RP1: variants seen among roughly 807,000 people sequenced by gnomAD.
The protein encoded by RP1 is RP1 axonemal microtubule associated, also known as oxygen-regulated protein 1.
RP1 carries 16 observed loss-of-function variants against 14.8 expected under a neutral mutation model. That is an observed-to-expected ratio of 1.08 (90% CI 0.73 to 1.65). RP1 has a LOEUF of 1.65. Ranked by LOEUF, RP1 falls within the 40% of genes most tolerant of loss-of-function variation. RP1 has a pLI of 0.00. For missense variants in RP1, 2,631 were observed against 2,535.0 expected, an observed-to-expected ratio of 1.04 and a Z score of -0.81; for synonymous variants, 876 against 883.6, an observed-to-expected ratio of 0.99 and a Z score of 0.15.
intron 19 of RP1, among the ~76,000 whole-genome samples, chr8:54,740,463 C>T (rs1310885805): frequency 6.7e-6 from 1 of 149,282 alleles, no homozygotes; most frequent in Non-Finnish European, 1.5e-5. Context: ...GTGGCTCACA[C>T]CTATAATCCT....
chr8:54,690,764 C>G (rs986708794), intron 12 of RP1, among the ~76,000 whole-genome samples: 1 of 152,080 alleles, frequency 6.6e-6, no homozygotes, highest in Non-Finnish European at 1.5e-5. Flanking sequence ...CTGAATTTCT[C>G]AATTCAGAAT....
intron 3 of RP1, among the ~76,000 whole-genome samples, chr8:54,636,246 T>A (rs2129320800): frequency 6.6e-6 from 1 of 152,340 alleles, no homozygotes; most frequent in East Asian, 1.9e-4. Flanking sequence ...AAAAACAGTT[T>A]GTTGTGAGAG....
rs951578823 is a variant in RP1, at chr8:54,844,081, G to C, written c.3835+6412G>C. Among the ~76,000 whole-genome samples, 4 of 152,216 alleles carry C rather than the reference G, an allele frequency of 2.6e-5. No homozygotes were observed. In the South Asian group the frequency reaches 8.3e-4, roughly 32 times the overall value. On this transcript the variant is annotated intron_variant, in intron 25 of 28. Transcript: ENST00000637698. Reference sequence around the variant, plus strand: ...TCTCCTTGAACTTTATGGTTATTTGGTTATGTCCACCAAGGTAGGTAGAAC... The same window carrying C: ...TCTCCTTGAACTTTATGGTTATTTGCTTATGTCCACCAAGGTAGGTAGAAC...
chr8:54,683,670 G>A (rs1807486198), intron 12 of RP1, among the ~76,000 whole-genome samples: 1 of 151,990 alleles, frequency 6.6e-6, no homozygotes, highest in South Asian at 2.1e-4. Flanking sequence ...TGGGGCTAAA[G>A]TTGCTTACTA....
chr8:54,786,528 G>T (rs140005177), intron 24 of RP1, among the ~76,000 whole-genome samples: 248 of 152,048 alleles, frequency 1.6e-3, no homozygotes, highest in African/African-American at 5.6e-3. Flanking sequence ...GGGGAGGGTG[G>T]TAGAGAGCAG....
intron 26 of RP1, among the ~76,000 whole-genome samples, chr8:54,852,927 T>C (rs1164201716): frequency 1.3e-5 from 2 of 152,194 alleles, no homozygotes; most frequent in Non-Finnish European, 2.9e-5. Context: ...ACAAACACAA[T>C]ATTCTACTTC....
intron 19 of RP1, among the ~76,000 whole-genome samples, chr8:54,749,414 G>A (rs1451801015): frequency 6.6e-6 from 1 of 152,116 alleles, no homozygotes; most frequent in Non-Finnish European, 1.5e-5. Context: ...ATTTAATCAG[G>A]ATGTGGAGTG....
At chr8:54,767,948 A>G (rs993667911) in intron 22 of RP1, among the ~76,000 whole-genome samples, 1 of 152,342 alleles carries the variant, frequency 6.6e-6, no homozygotes, top group South Asian at 2.1e-4. Flanking sequence ...ACAGCTGGGT[A>G]GGACTGCGAG....
At chr8:54,714,384 T>C (rs1408137469) in intron 15 of RP1, among the ~76,000 whole-genome samples, 1 of 152,214 alleles carries the variant, frequency 6.6e-6, no homozygotes, top group Non-Finnish European at 1.5e-5. Context: ...ACCTTTCCAA[T>C]TGTTCCTATG....
At chr8:54,642,744 T>C (rs552308487) in intron 3 of RP1, among the ~76,000 whole-genome samples, 13 of 152,242 alleles carry the variant, frequency 8.5e-5, no homozygotes, top group Non-Finnish European at 1.9e-4. Context: ...AGTAAAATAG[T>C]TACATTAAAG....
chr8:54,811,582 G>A (rs754307312), intron 24 of RP1, among the ~76,000 whole-genome samples: 3 of 152,134 alleles, frequency 2.0e-5, no homozygotes, highest in Non-Finnish European at 2.9e-5. Flanking sequence ...ATGCTTCTTC[G>A]TCAGTACATG....
chr8:54,603,100 G>T (rs1805333173), intron 1 of RP1, among the ~76,000 whole-genome samples: 1 of 152,186 alleles, frequency 6.6e-6, no homozygotes. Context: ...TTTTAGACAT[G>T]AAGTGCTTGC....
rs766886234 is a variant in RP1 at position 54,562,331 on chromosome 8, C to T, written c.-13+3011C>T. Among the ~76,000 whole-genome samples, 38 of 152,258 alleles carry T rather than the reference C, an allele frequency of 2.5e-4. No individual in the cohort carries two copies. In the Middle Eastern group the frequency reaches 0.014, roughly 55 times the overall value. On this transcript the variant is annotated intron_variant, in intron 1 of 22. Transcript: ENST00000636932. Reference sequence around the variant, plus strand: ...TGAAGCTATTTAACATTTCAGAGAACGCATGCCTGAGGCTGTAATAACATT... The same window carrying T: ...TGAAGCTATTTAACATTTCAGAGAATGCATGCCTGAGGCTGTAATAACATT...
At chr8:54,719,981 G>T (rs1808496116) in intron 15 of RP1, 1 of 647,822 alleles carries the variant, frequency 1.5e-6, no homozygotes, top group South Asian at 2.3e-5. Flanking sequence ...ATAGGATGAA[G>T]CACACAGGGC....
intron 12 of RP1, among the ~76,000 whole-genome samples, chr8:54,689,927 G>T (rs189870376): frequency 2.0e-5 from 3 of 151,974 alleles, no homozygotes; most frequent in East Asian, 3.9e-4. Context: ...AATTTAAAGA[G>T]AATTATTTCA....
At chr8:54,832,258 C>T (rs1444320500) in intron 24 of RP1, among the ~76,000 whole-genome samples, 1 of 151,284 alleles carries the variant, frequency 6.6e-6, no homozygotes, top group Non-Finnish European at 1.5e-5. Context: ...TTTTTCCTTC[C>T]AGGAGTCTAA....
intron 25 of RP1, among the ~76,000 whole-genome samples, chr8:54,845,076 A>C (rs1485903185): frequency 6.6e-6 from 1 of 152,192 alleles, no homozygotes; most frequent in African/African-American, 2.4e-5. Context: ...CACTCCACTA[A>C]CACATATGGA....
At chr8:54,724,249 G>T (rs1321270207) in intron 16 of RP1, among the ~76,000 whole-genome samples, 1 of 152,076 alleles carries the variant, frequency 6.6e-6, no homozygotes, top group Non-Finnish European at 1.5e-5. Flanking sequence ...GACTATATGG[G>T]TTTAAAACAT....
chr8:54,810,556 A>T (rs1260942248), intron 24 of RP1, among the ~76,000 whole-genome samples: 1 of 152,232 alleles, frequency 6.6e-6, no homozygotes, highest in Non-Finnish European at 1.5e-5. Flanking sequence ...ATTGGGAAAC[A>T]GCTGGAAATA....
Sources: gnomAD v4.1 joint callset for allele counts (sites outside exome capture counted in the v4.1 genomes callset) on GRCh38, gnomAD v4.1.1 for gene constraint, MANE v1.5 for transcripts, NCBI Gene and HGNC (gene_info 2026-07-23, HGNC 2026-07-21) for gene names.